Variants in PLEKHA5 observed in about 807,000 individuals in gnomAD.
PLEKHA5 encodes pleckstrin homology domain containing A5, also known as pleckstrin homology domain-containing family A member 5.
In PLEKHA5, 55 loss-of-function variants were observed where a neutral mutation model predicts 181.9. The observed-to-expected ratio is 0.30, with a 90% CI of 0.24 to 0.38. The LOEUF (loss-of-function observed/expected upper bound fraction) is 0.38, where lower values mean the gene tolerates loss of function less well. PLEKHA5 is among the 10% of genes least tolerant of loss of function. The pLI, the probability that PLEKHA5 is intolerant of heterozygous loss-of-function variation, is 1.00. For missense variants in PLEKHA5, 1,432 were observed against 1,549.5 expected (o/e 0.92, Z 1.27); for synonymous variants, 535 against 529.4 (o/e 1.01, Z -0.15).
rs571586853 is a variant in PLEKHA5, at chr12:19,228,051, T to C, written c.228-25889T>C. ...GCTTTTAATTGTTGTGGTGGGTCCT[T>C]AGTATAAGCCCTGCATCACAGTAAG... On this transcript the variant is annotated intron_variant, in intron 3 of 31. Transcript: ENST00000429027. Among the ~76,000 whole-genome samples, 9 of 152,314 alleles carry C rather than the reference T, an allele frequency of 5.9e-5. No individual in the cohort carries two copies. The South Asian group carries it at 1.9e-3, about 32-fold the overall frequency.
At chr12:19,238,410 G>C (rs1243431289) in intron 3 of PLEKHA5, among the ~76,000 whole-genome samples, 1 of 151,984 alleles carries the variant, frequency 6.6e-6, no homozygotes, top group Non-Finnish European at 1.5e-5. Context: ...TCTATACTTA[G>C]AAGCATTGAA....
At chr12:19,172,392 G>T (rs2046109962) in intron 3 of PLEKHA5, among the ~76,000 whole-genome samples, 1 of 147,814 alleles carries the variant, frequency 6.8e-6, no homozygotes, top group African/African-American at 2.5e-5. Flanking sequence ...CATATATCTG[G>T]CAAAGAAATC....
At chr12:19,131,910 T>C (rs1289847617) in intron 2 of PLEKHA5, among the ~76,000 whole-genome samples, 1 of 152,234 alleles carries the variant, frequency 6.6e-6, no homozygotes, top group Non-Finnish European at 1.5e-5. Flanking sequence ...TGTCATTTCT[T>C]TTCCATTAAT....
At chr12:19,200,230 T>C in intron 3 of PLEKHA5, 1 of 827,398 alleles carries the variant, frequency 1.2e-6, no homozygotes, top group Non-Finnish European at 1.9e-6. Flanking sequence ...GCAACAAAAG[T>C]ATCACCCATC....
intron 3 of PLEKHA5, among the ~76,000 whole-genome samples, chr12:19,212,837 T>G (rs1321873694): frequency 2.5e-4 from 1 of 3,974 alleles, no homozygotes; most frequent in Non-Finnish European, 3.7e-3. Context: ...TTTTTGTTGT[T>G]TTTTTTTTTT....
chr12:19,261,056 G>A (rs1217230204), intron 7 of PLEKHA5, 35 bp downstream of exon 7: 1 of 1,132,384 alleles, frequency 8.8e-7, no homozygotes. Context: ...GTATTATTTT[G>A]TAATTGATAT....
intron 3 of PLEKHA5, among the ~76,000 whole-genome samples, chr12:19,163,937 T>C (rs2043618634): frequency 6.6e-6 from 1 of 152,118 alleles, no homozygotes; most frequent in Admixed American, 6.6e-5. Context: ...AGAATTTTCT[T>C]CCATTTTTAC....
chr12:19,324,614 A>G (rs928205285), intron 20 of PLEKHA5, among the ~76,000 whole-genome samples: 1 of 152,232 alleles, frequency 6.6e-6, no homozygotes, highest in Non-Finnish European at 1.5e-5. Flanking sequence ...AATACTGTCT[A>G]CAAGGAAGTA....
chr12:19,348,083 A>G (rs376436303), intron 24 of PLEKHA5, among the ~76,000 whole-genome samples: 3 of 152,056 alleles, frequency 2.0e-5, no homozygotes, highest in South Asian at 4.1e-4. Context: ...GGGTTTCACC[A>G]TGTTGGCTGG....
Position 19,252,140 on chromosome 12 carries a change from ACT to A in PLEKHA5, c.228-1799_228-1798del, listed in dbSNP as rs530315673. ...AAACTATCTATATCTTTATATTAAT[ACT>A]GTTTCAATTTTATTTAATGGATAAA... On this transcript the variant is annotated intron_variant, in intron 3 of 31. Coordinates refer to ENST00000429027, the MANE Select transcript of PLEKHA5 (RefSeq NM_001256470.2). 1.1e-4 allele frequency among the ~76,000 whole-genome samples: 17 copies of A among 152,298 alleles called. No individual in the cohort carries two copies. In the South Asian group the frequency reaches 3.1e-3, roughly 28 times the overall value.
intron 25 of PLEKHA5, among the ~76,000 whole-genome samples, chr12:19,350,723 G>A (rs1592595438): frequency 6.6e-6 from 1 of 151,992 alleles, no homozygotes; most frequent in Non-Finnish European, 1.5e-5. Flanking sequence ...AGCCAAGATC[G>A]TGCCACTGCA....
Position 19,132,576 on chromosome 12 carries a change from T to C in PLEKHA5, c.227+126T>C, listed in dbSNP as rs564362632. On this transcript the variant is annotated intron_variant, in intron 3 of 31. Transcript: ENST00000429027. ...AGTTTATCATATAATGGTGACTGTA[T>C]TCTTTATTTTGTATAGTGTCAGAAT... 3.3e-5 allele frequency: 20 copies of C among 612,172 alleles called. No individual in the cohort carries two copies. In the South Asian group the frequency reaches 3.8e-4, roughly 12 times the overall value. 37.9% of individuals were successfully genotyped at this position (612,172 alleles called of 1,614,324 possible).
At chr12:19,331,177 CTTGA>C in intron 20 of PLEKHA5, among the ~76,000 whole-genome samples, 1 of 151,968 alleles carries the variant, frequency 6.6e-6, no homozygotes, top group Admixed American at 6.6e-5. Flanking sequence ...ACAATATTTA[CTTGA>C]TTATTTTAAA....
chr12:19,372,395 G>GTTTTTTTTTT (rs34877323), intron 31 of PLEKHA5: 2 of 139,224 alleles, frequency 1.4e-5, no homozygotes, highest in Non-Finnish European at 3.1e-5. Context: ...GGGATTATTT[G>GTTTTTTTTTT]TTTTTGTTTT....
At chr12:19,186,589 G>A (rs1393569078) in intron 3 of PLEKHA5, among the ~76,000 whole-genome samples, 1 of 152,166 alleles carries the variant, frequency 6.6e-6, no homozygotes, top group South Asian at 2.1e-4. Flanking sequence ...AAGAAATGGA[G>A]TAAGAGTAAA....
intron 7 of PLEKHA5, among the ~76,000 whole-genome samples, chr12:19,265,358 A>T (rs1195521640): frequency 1.3e-5 from 2 of 152,216 alleles, no homozygotes; most frequent in African/African-American, 4.8e-5. Flanking sequence ...ATAACATTTT[A>T]AAATACAGTA....
chr12:19,146,096 C>G (rs1479917517), intron 3 of PLEKHA5, among the ~76,000 whole-genome samples: 1 of 152,176 alleles, frequency 6.6e-6, no homozygotes, highest in African/African-American at 2.4e-5. Context: ...GAGACATTTG[C>G]CAATCACATT....
At chr12:19,361,207 G>A (rs1040486973) in intron 28 of PLEKHA5, among the ~76,000 whole-genome samples, 22 of 151,754 alleles carry the variant, frequency 1.4e-4, no homozygotes, top group Admixed American at 1.1e-3. Context: ...GTTTTGAGAC[G>A]GAGTCTCGCT....
At chr12:19,369,158 C>G (rs940023050) in intron 30 of PLEKHA5, among the ~76,000 whole-genome samples, 2 of 151,844 alleles carry the variant, frequency 1.3e-5, no homozygotes, top group Non-Finnish European at 1.5e-5. Context: ...CCCCGGCCTC[C>G]TAAGTAGCTA....
Sources: allele counts gnomAD v4.1 joint callset (sites outside exome capture counted in the v4.1 genomes callset), GRCh38; gene constraint gnomAD v4.1.1; transcripts MANE v1.5; gene names NCBI Gene and HGNC (gene_info 2026-07-23, HGNC 2026-07-21).